DCAF10: variants seen among roughly 807,000 people sequenced by gnomAD.
DCAF10 encodes the protein DDB1- and CUL4-associated factor 10.
DCAF10 carries 19 observed loss-of-function variants against 51.9 expected under a neutral mutation model. The ratio of observed to expected loss-of-function variants is 0.37; its 90% CI spans 0.26 to 0.54. The LOEUF is 0.54. Among genes scored for constraint, DCAF10 ranks in the 20% least tolerant of loss-of-function variants. The pLI, the probability that DCAF10 is intolerant of heterozygous loss-of-function variation, is 0.87. For synonymous variants in DCAF10, 291 were observed against 297.1 expected, an observed-to-expected ratio of 0.98 and a Z score of 0.21; for missense variants, 510 against 730.6, an observed-to-expected ratio of 0.70 and a Z score of 3.48.
At chr9:37,849,954 G>C (rs2118103513) in intron 3 of DCAF10, among the ~76,000 whole-genome samples, 1 of 152,284 alleles carries the variant, frequency 6.6e-6, no homozygotes, top group East Asian at 1.9e-4. Flanking sequence ...AGGTACTCAA[G>C]AGGGCGAGAC....
intron 1 of DCAF10, among the ~76,000 whole-genome samples, chr9:37,817,213 A>G (rs943216616): frequency 1.3e-5 from 2 of 152,236 alleles, no homozygotes; most frequent in Non-Finnish European, 2.9e-5. Flanking sequence ...AAAGATACAT[A>G]TCATACCATG....
intron 2 of DCAF10, among the ~76,000 whole-genome samples, chr9:37,839,436 C>T (rs776342205): frequency 2.2e-4 from 33 of 152,044 alleles, no homozygotes; most frequent in Non-Finnish European, 3.5e-4. Context: ...GATGGGGTTT[C>T]GTCATGTTGC....
intron 2 of DCAF10, among the ~76,000 whole-genome samples, chr9:37,834,240 C>CT (rs1462216675): frequency 1.3e-5 from 2 of 151,914 alleles, no homozygotes; most frequent in Non-Finnish European, 2.9e-5. Flanking sequence ...GCCCAGCCAT[C>CT]TTTTTTTAAA....
chr9:37,861,362 C>A lies in DCAF10; in HGVS notation c.1534C>A (p.Pro512Thr). The change falls in exon 7 of 7, where the codon CCC becomes ACC. Residue 512 changes from proline (P) to threonine (T), a missense_variant. Physicochemically the swap from Pro to Thr is conservative, Grantham distance 38. This residue lies in a region of DCAF10 where 104 missense variants were observed against 206.2 expected (regional missense o/e 0.50). Transcript: ENST00000377724. This position sits in a 1 kb window ranked among gnomAD's most constrained non-coding sequence, Gnocchi z 4.9. ...GTGCAGTGAACTTGTTGACTGCTTG[C>A]CCAAAGAAGCCAGTCCCCTGCGGGT... ...KQCSELVDCLPKEASPLRVIR... is the reference protein window; with the variant it reads ...KQCSELVDCLTKEASPLRVIR... 1 of 1,614,176 alleles carries A rather than the reference C, an allele frequency of 6.2e-7. No homozygotes were observed. The highest frequency in any genetic ancestry group is 1.1e-5 in the South Asian group (1 of 91,074).
intron 1 of DCAF10, among the ~76,000 whole-genome samples, chr9:37,813,523 A>G (rs527592984): frequency 1.6e-4 from 25 of 152,356 alleles, no homozygotes; most frequent in Non-Finnish European, 1.9e-4. Flanking sequence ...TGACTGAGAC[A>G]ATGATTGTCA....
chr9:37,819,342 A>C lies in DCAF10; in HGVS notation c.594A>C (p.Ile198=), dbSNP rs765675704. 6 of 1,613,918 alleles carry C rather than the reference A, an allele frequency of 3.7e-6. No homozygotes were observed. Among genetic ancestry groups the C allele is most frequent in the Non-Finnish European group, 5.1e-6 (6 of 1,179,892 alleles). ...CTGAAGTTCTGCTTTTTGACCCTAT[A>C]TCTTCAAAGCACATAAAAACACTTT... The part of the protein sequence containing the change: ...EQTEVLLFDP[I]SSKHIKTLSE... Residue 198 remains isoleucine, a synonymous_variant, in exon 2 of 7, where the codon ATA becomes ATC. Transcript: ENST00000377724.
intron 2 of DCAF10, among the ~76,000 whole-genome samples, chr9:37,826,409 G>C (rs887644401): frequency 2.0e-5 from 3 of 152,206 alleles, no homozygotes; most frequent in Admixed American, 6.5e-5. Flanking sequence ...GCATAGATGG[G>C]TTCTGTATCT....
At chr9:37,855,757 C>A (rs1301015377) in intron 4 of DCAF10, among the ~76,000 whole-genome samples, 1 of 152,166 alleles carries the variant, frequency 6.6e-6, no homozygotes, top group African/African-American at 2.4e-5. Context: ...CACCTGTAAT[C>A]CCATCACTTT....
Position 37,827,001 on chromosome 9 carries a change from T to C in DCAF10, c.653+7600T>C, listed in dbSNP as rs138708252. Among the ~76,000 whole-genome samples, 1,479 of 152,018 alleles carry C rather than the reference T, an allele frequency of 9.7e-3. 15 individuals carry two copies. The highest frequency in any genetic ancestry group is 0.015 in the Non-Finnish European group (991 of 67,960). ...CCACCACGCCTGGCTAATTTTGTAT[T>C]TTTTAGTAGAGACAGGGTTTCTCCA... On this transcript the variant is annotated intron_variant, in intron 2 of 6. Transcript: ENST00000377724.
rs551735178 is a variant in DCAF10, at chr9:37,801,196, C to T, written c.330C>T (p.His110=). Residue 110 remains histidine, a synonymous_variant, in exon 1 of 7, where the codon CAC becomes CAT. Transcript: ENST00000377724. This position sits in a 1 kb window ranked among gnomAD's most constrained non-coding sequence, Gnocchi z 5.5. ...PDCRAKSRGR[H]GLGAGLGGPG... is the part of the protein sequence containing the mutation. ...GCAGGGCCAAGAGCCGGGGCCGACA[C>T]GGCCTCGGCGCGGGCCTGGGCGGCC... 6.5e-7 allele frequency: 1 copy of T among 1,547,378 alleles called. No individual in the cohort carries two copies. Among genetic ancestry groups the T allele is most frequent in the Non-Finnish European group, 8.7e-7 (1 of 1,148,918 alleles).
At chr9:37,814,080 C>CTATATATATATATA (rs58660288) in intron 1 of DCAF10, among the ~76,000 whole-genome samples, 33 of 47,100 alleles carry the variant, frequency 7.0e-4, no homozygotes, top group South Asian at 1.3e-3. Context: ...CTATTTGTCA[C>CTATATATATATATA]TATATATATA....
At chr9:37,824,308 G>C (rs570270655) in intron 2 of DCAF10, among the ~76,000 whole-genome samples, 1 of 152,172 alleles carries the variant, frequency 6.6e-6, no homozygotes, top group South Asian at 2.1e-4. Context: ...GTATGCACGG[G>C]GGAGTTTTGT....
At position 37,801,061 on chromosome 9, in the gene DCAF10, C is replaced by A. The variant is rs745529237; in HGVS notation, c.195C>A (p.Ala65=). Residue 65 remains alanine, a synonymous_variant, in exon 1 of 7, where the codon GCC becomes GCA. Transcript: ENST00000377724. The surrounding 1 kb of genome is among the most constrained non-coding windows in gnomAD (Gnocchi z 5.5). ...RRPGAPSLSP[A]PRSGELGLPG... The stretch of plus-strand genomic sequence containing the variant: ...CCGGCGCCCCATCGCTGTCCCCGGC[C>A]CCGCGCTCCGGAGAGCTAGGGCTGC... 1.8e-5 allele frequency: 27 copies of A among 1,533,324 alleles called. No homozygotes were observed. Among genetic ancestry groups the A allele is most frequent in the Non-Finnish European group, 2.4e-5 (27 of 1,148,266 alleles). The allele number at this position is 1,533,324 out of a possible 1,614,324, so 95.0% of individuals were successfully genotyped here.
chr9:37,834,488 C>T (rs1830093990), intron 2 of DCAF10, among the ~76,000 whole-genome samples: 1 of 151,878 alleles, frequency 6.6e-6, no homozygotes, highest in African/African-American at 2.4e-5. Context: ...AAAAGCTAAT[C>T]CCCCTATTTT....
chr9:37,806,432 C>T (rs1829116217), intron 1 of DCAF10, among the ~76,000 whole-genome samples: 1 of 152,172 alleles, frequency 6.6e-6, no homozygotes. Context: ...CTGGCAACCT[C>T]CAACACACAA....
intron 3 of DCAF10, among the ~76,000 whole-genome samples, chr9:37,852,936 A>G (rs1301793914): frequency 3.7e-5 from 1 of 27,310 alleles, no homozygotes; most frequent in Non-Finnish European, 8.7e-5. Context: ...GAGGTTATAT[A>G]TATATATATA....
At chr9:37,852,340 T>G (rs781506048) in intron 3 of DCAF10, among the ~76,000 whole-genome samples, 2 of 152,196 alleles carry the variant, frequency 1.3e-5, no homozygotes, top group African/African-American at 4.8e-5. Context: ...CTCATACTTA[T>G]AATCTCAGCA....
In DCAF10 at chr9:37,866,304, A is replaced by C. The variant is rs1831135695; in HGVS notation, c.*4796A>C. 1 of 152,630 alleles carries C rather than the reference A, an allele frequency of 6.6e-6. No individual in the cohort carries two copies. The highest frequency in any genetic ancestry group is 1.5e-5 in the Non-Finnish European group (1 of 68,042). 9.5% of individuals were successfully genotyped at this position (152,630 alleles called of 1,614,324 possible). ...CAGTATAATTCACATTTTCATGATG[A>C]AAAGTTAAAGTTATATTCATAATGT... On this transcript the variant is annotated 3_prime_UTR_variant, in exon 7 of 7. Coordinates refer to ENST00000377724, the MANE Select transcript of DCAF10 (RefSeq NM_024345.5).
At position 37,861,788 on chromosome 9, in the gene DCAF10, C is replaced by G. The variant is rs1831027130; in HGVS notation, c.*280C>G. On this transcript the variant is annotated 3_prime_UTR_variant, in exon 7 of 7. Coordinates refer to ENST00000377724, the MANE Select transcript of DCAF10 (RefSeq NM_024345.5). The surrounding 1 kb of genome is among the most constrained non-coding windows in gnomAD (Gnocchi z 4.9). The stretch of plus-strand genomic sequence containing the variant: ...TTCTTCTGGTCATTTTGCATGGTAG[C>G]TCTTGTCACGTTCCTTCCTTCCTCA... 6.2e-6 allele frequency: 2 copies of G among 324,120 alleles called. No individual in the cohort carries two copies. The highest frequency in any genetic ancestry group is 9.5e-4 in the Middle Eastern group (1 of 1,058). The allele number at this position is 324,120 out of a possible 1,614,324, so 20.1% of individuals were successfully genotyped here.
Sources: gnomAD v4.1 joint callset for allele counts (sites outside exome capture counted in the v4.1 genomes callset) on GRCh38, gnomAD v4.1.1 for gene constraint, gnomAD v4.1.1 regional missense constraint, Gnocchi (gnomAD v3.1) non-coding constraint, MANE v1.5 for transcripts, NCBI Gene and HGNC (gene_info 2026-07-23, HGNC 2026-07-21) for gene names.